The following LRRC4C variants were observed in gnomAD, a reference collection of about 807,000 sequenced individuals.
The protein encoded by LRRC4C is leucine-rich repeat-containing protein 4C.
Under a neutral mutation model 33.6 loss-of-function variants are expected in LRRC4C, and 5 were observed. The ratio of observed to expected loss-of-function variants is 0.15; its 90% CI spans 0.08 to 0.31. The LOEUF is 0.31. Among genes scored for constraint, LRRC4C ranks in the 10% least tolerant of loss-of-function variants. LRRC4C has a pLI of 1.00. For missense variants in LRRC4C, 560 were observed against 796.7 expected (o/e 0.70, Z 3.58); for synonymous variants, 329 against 302.0 (o/e 1.09, Z -0.93).
chr11:40,927,171 C>T (rs918668748), intron 2 of LRRC4C, among the ~76,000 whole-genome samples: 8 of 151,952 alleles, frequency 5.3e-5, no homozygotes, highest in African/African-American at 1.7e-4. Context: ...GTCAGGAGTT[C>T]GAGACCAGCC....
chr11:40,567,028 C>A (rs1027700819), intron 3 of LRRC4C, among the ~76,000 whole-genome samples: 1 of 151,990 alleles, frequency 6.6e-6, no homozygotes, highest in Non-Finnish European at 1.5e-5. Flanking sequence ...GTTAGTTTTA[C>A]CTTTCAGAGG....
At chr11:40,890,266 G>A (rs914892320) in intron 2 of LRRC4C, among the ~76,000 whole-genome samples, 1 of 152,152 alleles carries the variant, frequency 6.6e-6, no homozygotes, top group Non-Finnish European at 1.5e-5. Flanking sequence ...TGAAGGCTGG[G>A]AAGTCCAATA....
chr11:41,237,515 G>A (rs924141052), intron 1 of LRRC4C, among the ~76,000 whole-genome samples: 4 of 152,168 alleles, frequency 2.6e-5, no homozygotes, highest in African/African-American at 9.6e-5. Flanking sequence ...TAATTTACAT[G>A]TCAGCTGTAA....
chr11:41,013,238 C>A (rs1398867382), intron 1 of LRRC4C, among the ~76,000 whole-genome samples: 2 of 152,208 alleles, frequency 1.3e-5, no homozygotes, highest in Admixed American at 6.5e-5. Flanking sequence ...CGTGGACTCA[C>A]TTTTAACATC....
At chr11:40,528,886 CAGA>C (rs1451885360) in intron 3 of LRRC4C, among the ~76,000 whole-genome samples, 1 of 152,100 alleles carries the variant, frequency 6.6e-6, no homozygotes, top group African/African-American at 2.4e-5. Context: ...AAGCCAATCA[CAGA>C]AGGACAAATA....
intron 2 of LRRC4C, among the ~76,000 whole-genome samples, chr11:40,790,963 C>A (rs115263838): frequency 0.029 from 4,350 of 152,218 alleles, 200 homozygotes; most frequent in African/African-American, 0.098. Flanking sequence ...TGCAGGAAGC[C>A]AAAGTGCCAA....
Position 40,860,084 on chromosome 11 carries a change from C to A in LRRC4C, c.-407+73551G>T, listed in dbSNP as rs576756861. On this transcript the variant is annotated intron_variant, in intron 2 of 6. Transcript: ENST00000528697. ...CTGGGTGACAGAGCGAGACTCTGTC[C>A]CCCCAAAAAATAAATAAATAAATAA... Among the ~76,000 whole-genome samples, 26 of 61,704 alleles carry A rather than the reference C, an allele frequency of 4.2e-4. 1 individual carries two copies. In the South Asian group the frequency reaches 0.013, roughly 32 times the overall value. The allele number at this position is 61,704 out of a possible 152,430, so 40.5% of individuals were successfully genotyped here.
Position 40,276,597 on chromosome 11 carries a change from T to C in LRRC4C, c.-175-34999A>G, listed in dbSNP as rs79416057. 4.4e-3 allele frequency among the ~76,000 whole-genome samples: 667 copies of C among 151,828 alleles called. 9 individuals carry two copies. The highest frequency in any genetic ancestry group is 0.015 in the African/African-American group (639 of 41,400). On this transcript the variant is annotated intron_variant, in intron 4 of 6. Coordinates refer to ENST00000528697, the MANE Select transcript of LRRC4C (RefSeq NM_001258419.2). ...ACCTTGAATAACAGAGGAAGATAAG[T>C]GGCACATGTCTCTAGAAGGCCCTTC... is the stretch of plus-strand genomic sequence containing the variant.
intron 3 of LRRC4C, among the ~76,000 whole-genome samples, chr11:40,404,165 T>C (rs1185238518): frequency 1.3e-5 from 2 of 152,142 alleles, no homozygotes; most frequent in Non-Finnish European, 2.9e-5. Flanking sequence ...GCTAACCTGC[T>C]GGCTGATGGA....
At chr11:40,723,782 G>C (rs1348827910) in intron 2 of LRRC4C, among the ~76,000 whole-genome samples, 1 of 152,128 alleles carries the variant, frequency 6.6e-6, no homozygotes, top group Non-Finnish European at 1.5e-5. Flanking sequence ...AATGCAAATA[G>C]TCTAAACACC....
At chr11:41,093,850 G>A (rs770703431) in intron 1 of LRRC4C, among the ~76,000 whole-genome samples, 2 of 150,956 alleles carry the variant, frequency 1.3e-5, no homozygotes, top group Non-Finnish European at 2.9e-5. Flanking sequence ...CCAGCACTTT[G>A]GGAGACCAAG....
intron 3 of LRRC4C, among the ~76,000 whole-genome samples, chr11:40,466,003 A>G (rs1952633340): frequency 6.6e-6 from 1 of 152,084 alleles, no homozygotes; most frequent in Non-Finnish European, 1.5e-5. Context: ...AAGAGCAAAA[A>G]TATAGAATCA....
chr11:41,374,119 G>A (rs1269804037), intron 1 of LRRC4C, among the ~76,000 whole-genome samples: 1 of 152,102 alleles, frequency 6.6e-6, no homozygotes, highest in African/African-American at 2.4e-5. Flanking sequence ...CTAGACTTGG[G>A]ACACAAACTG....
At chr11:40,859,344 A>T (rs1953960929) in intron 2 of LRRC4C, among the ~76,000 whole-genome samples, 2 of 152,292 alleles carry the variant, frequency 1.3e-5, no homozygotes, top group Admixed American at 6.5e-5. Flanking sequence ...AGTCCGTAGT[A>T]ATGAAATGAG....
At chr11:41,118,756 T>A (rs1942269820) in intron 1 of LRRC4C, among the ~76,000 whole-genome samples, 1 of 152,164 alleles carries the variant, frequency 6.6e-6, no homozygotes, top group Non-Finnish European at 1.5e-5. Flanking sequence ...GCAACTTTCA[T>A]TGTGATGCCA....
chr11:40,154,599 G>C (rs924618668), intron 5 of LRRC4C, among the ~76,000 whole-genome samples: 3 of 152,182 alleles, frequency 2.0e-5, no homozygotes, highest in Non-Finnish European at 2.9e-5. Context: ...GTGGTTAAAA[G>C]AGGCAAAGAG....
chr11:40,858,249 C>G (rs1376062891), intron 2 of LRRC4C, among the ~76,000 whole-genome samples: 2 of 152,124 alleles, frequency 1.3e-5, no homozygotes, highest in Non-Finnish European at 2.9e-5. Context: ...CTGGACGTAA[C>G]TGGGCAAAAT....
intron 5 of LRRC4C, among the ~76,000 whole-genome samples, chr11:40,154,728 A>G (rs1198405720): frequency 1.3e-5 from 2 of 152,180 alleles, no homozygotes; most frequent in Non-Finnish European, 2.9e-5. Flanking sequence ...AACCTAAGAA[A>G]TGAGATAGAC....
intron 1 of LRRC4C, among the ~76,000 whole-genome samples, chr11:41,439,894 A>T (rs961667833): frequency 1.3e-5 from 2 of 152,202 alleles, no homozygotes; most frequent in Admixed American, 6.6e-5. Context: ...GATTCTAGAT[A>T]TTAGTCCTCT....
Sources: allele counts gnomAD v4.1 joint callset (sites outside exome capture counted in the v4.1 genomes callset), GRCh38; gene constraint gnomAD v4.1.1; transcripts MANE v1.5; gene names NCBI Gene and HGNC (gene_info 2026-07-23, HGNC 2026-07-21).